The following CD1B variants were observed in gnomAD, a reference collection of about 807,000 sequenced individuals.
CD1B encodes CD1b molecule.
CD1B carries 43 observed loss-of-function variants against 39.8 expected under a neutral mutation model. That is an observed-to-expected ratio of 1.08 (90% CI 0.85 to 1.39). The LOEUF (loss-of-function observed/expected upper bound fraction) is 1.39. CD1B is among the 40% of genes most tolerant of loss of function. The probability of loss-of-function intolerance (pLI) is 0.00; values close to 1 mark genes in which losing one functional copy is unlikely to be tolerated. For missense variants in CD1B, 495 were observed against 403.8 expected, an observed-to-expected ratio of 1.23 and a Z score of -1.94; for synonymous variants, 192 against 152.5, an observed-to-expected ratio of 1.26 and a Z score of -1.91.
chr1:158,293,499 A>T, the CD1B span: 1 of 1,613,972 alleles, frequency 6.2e-7, no homozygotes, highest in Non-Finnish European at 8.5e-7. Context: ...TGACTCCCCC[A>T]TTGTGTTAAG....
At chr1:158,314,514 T>G in the CD1B span, among the ~76,000 whole-genome samples, 2 of 152,196 alleles carry the variant, frequency 1.3e-5, no homozygotes. Context: ...TTGATGTTGT[T>G]CTTGTTTTTC....
At chr1:158,289,745 CA>C in the CD1B span, 344 of 228,592 alleles carry the variant, frequency 1.5e-3, 2 homozygotes, top group African/African-American at 7.5e-3. Flanking sequence ...TCCAGAGGGA[CA>C]AAATGACCTT....
chr1:158,287,022 G>C, the CD1B span, among the ~76,000 whole-genome samples: 2 of 152,126 alleles, frequency 1.3e-5, no homozygotes, highest in African/African-American at 4.8e-5. Flanking sequence ...GCTCTCACAG[G>C]AACAGCTGCT....
At chr1:158,291,310 G>T in the CD1B span, 1 of 1,614,170 alleles carries the variant, frequency 6.2e-7, no homozygotes, top group Non-Finnish European at 8.5e-7. Context: ...CAGCAATGAA[G>T]AGTTGTCAGA....
the CD1B span, among the ~76,000 whole-genome samples, chr1:158,316,859 G>A: frequency 1.3e-5 from 2 of 151,786 alleles, no homozygotes; most frequent in East Asian, 1.9e-4. Context: ...TGAGAGTTTT[G>A]AGCATGAAGG....
the CD1B span, among the ~76,000 whole-genome samples, chr1:158,306,792 A>T: frequency 6.6e-6 from 1 of 152,232 alleles, no homozygotes; most frequent in African/African-American, 2.4e-5. Context: ...AAAGCCGCTC[A>T]ACTACATGGA....
chr1:158,317,199 C>T, the CD1B span, among the ~76,000 whole-genome samples: 16 of 151,738 alleles, frequency 1.1e-4, no homozygotes, highest in Admixed American at 9.8e-4. Context: ...GGAGGATTCC[C>T]TCTTTTTCTA....
At chr1:158,292,622 C>T in the CD1B span, 22 of 1,612,762 alleles carry the variant, frequency 1.4e-5, no homozygotes, top group South Asian at 6.6e-5. Flanking sequence ...GCTGTCCAGT[C>T]GCCCCAGCCT....
At chr1:158,290,182 C>A in the CD1B span, 1 of 1,495,242 alleles carries the variant, frequency 6.7e-7, no homozygotes, top group East Asian at 2.3e-5. Context: ...GTGTGCTGGG[C>A]TTTCCCGAGA....
At chr1:158,308,033 G>C in the CD1B span, among the ~76,000 whole-genome samples, 1 of 152,168 alleles carries the variant, frequency 6.6e-6, no homozygotes, top group Non-Finnish European at 1.5e-5. Context: ...TAGGAAAAGA[G>C]GAAGTCAAAT....
chr1:158,314,566 T>A, the CD1B span, among the ~76,000 whole-genome samples: 1 of 152,198 alleles, frequency 6.6e-6, no homozygotes, highest in Non-Finnish European at 1.5e-5. Context: ...ATCTTTCTAC[T>A]TTTTAAATGT....
chr1:158,308,724 A>T, the CD1B span, among the ~76,000 whole-genome samples: 2 of 152,232 alleles, frequency 1.3e-5, no homozygotes, highest in Non-Finnish European at 2.9e-5. Context: ...AAAACCAGCA[A>T]TGGGGAAAGG....
chr1:158,329,263 A>G, intron 4 of CD1B, 107 bp downstream of exon 4: 2 of 1,346,020 alleles, frequency 1.5e-6, no homozygotes, highest in Non-Finnish European at 2.0e-6. Flanking sequence ...TCAATCAATC[A>G]ATCTCTCCCT....
the CD1B span, among the ~76,000 whole-genome samples, chr1:158,314,945 T>C: frequency 6.7e-6 from 1 of 149,194 alleles, no homozygotes. Flanking sequence ...CTGAGAATGA[T>C]GATTTCCAAT....
At chr1:158,329,756 A>T (rs1652509568) in intron 3 of CD1B, 96 bp downstream of exon 3, 1 of 1,555,854 alleles carries the variant, frequency 6.4e-7, no homozygotes, top group Non-Finnish European at 8.7e-7. Context: ...TCCTTTGGGA[A>T]CCAAATAACT....
chr1:158,327,239 G>A (rs116640782), downstream of CD1B, among the ~76,000 whole-genome samples: 74 of 152,250 alleles, frequency 4.9e-4, no homozygotes, highest in Non-Finnish European at 9.1e-4. Flanking sequence ...TTTTTACAGA[G>A]CATTGATTGG....
At chr1:158,286,488 T>C in the CD1B span, among the ~76,000 whole-genome samples, 3 of 152,192 alleles carry the variant, frequency 2.0e-5, no homozygotes, top group Non-Finnish European at 4.4e-5. Flanking sequence ...TGAAAGCAAT[T>C]TGAATATTTT....
the CD1B span, among the ~76,000 whole-genome samples, chr1:158,316,135 A>T: frequency 6.6e-6 from 1 of 151,976 alleles, no homozygotes; most frequent in African/African-American, 2.4e-5. Flanking sequence ...TGACTTGGCA[A>T]TGCGGGCTCT....
chr1:158,292,466 G>T, the CD1B span: 1 of 1,489,214 alleles, frequency 6.7e-7, no homozygotes, highest in South Asian at 1.3e-5. Context: ...ACAAGAAGCA[G>T]GGGGGTTGCT....
Sources: allele counts gnomAD v4.1 joint callset (sites outside exome capture counted in the v4.1 genomes callset), GRCh38; gene constraint gnomAD v4.1.1; transcripts MANE v1.5; gene names NCBI Gene and HGNC (gene_info 2026-07-23, HGNC 2026-07-21).